SGIP1: variants seen among roughly 807,000 people sequenced by gnomAD.
SGIP1 encodes SH3-containing GRB2-like protein 3-interacting protein 1.
In SGIP1, 38 loss-of-function variants were observed where a neutral mutation model predicts 107.5. The ratio of observed to expected loss-of-function variants is 0.35; its 90% confidence interval spans 0.27 to 0.46. The LOEUF (loss-of-function observed/expected upper bound fraction) is 0.46, where lower values mean the gene tolerates loss of function less well. Among genes scored for constraint, SGIP1 ranks in the 20% least tolerant of loss-of-function variants. The probability of loss-of-function intolerance (pLI) is 1.00; values close to 1 mark genes in which losing one functional copy is unlikely to be tolerated. For missense variants in SGIP1, 929 were observed against 1,019.5 expected (o/e 0.91, Z 1.21); for synonymous variants, 365 against 366.1 (o/e 1.00, Z 0.03).
intron 1 of SGIP1, among the ~76,000 whole-genome samples, chr1:66,602,232 A>T (rs1479367961): frequency 6.6e-6 from 1 of 152,208 alleles, no homozygotes; most frequent in Admixed American, 6.5e-5. Flanking sequence ...TGACAGAAAG[A>T]ACCTTGTCAT....
intron 4 of SGIP1, among the ~76,000 whole-genome samples, chr1:66,636,557 C>T (rs1298467733): frequency 1.3e-5 from 2 of 152,192 alleles, no homozygotes; most frequent in Non-Finnish European, 2.9e-5. Context: ...TCCTCAGTTG[C>T]ACTTGACACA....
chr1:66,740,498 A>T (rs1402914183), intron 22 of SGIP1, among the ~76,000 whole-genome samples, 160 bp from the exon 23 acceptor site: 1 of 152,188 alleles, frequency 6.6e-6, no homozygotes, highest in African/African-American at 2.4e-5. Flanking sequence ...AGATTTATGT[A>T]TGTCTGGGAG....
At position 66,749,044 on chromosome 1, in the gene SGIP1, C is replaced by T. The variant is rs1248047753; in HGVS notation, c.*5949C>T. Among the ~76,000 whole-genome samples, 2 of 151,848 alleles carry T rather than the reference C, an allele frequency of 1.3e-5. No individual in the cohort carries two copies. The highest frequency in any genetic ancestry group is 3.8e-4 in the East Asian group (2 of 5,202). On this transcript the variant is annotated 3_prime_UTR_variant, in exon 25 of 25. Coordinates refer to ENST00000371037, the MANE Select transcript of SGIP1 (RefSeq NM_032291.4). ...ATTTTGTTTTAATTTTAAGAGAATT[C>T]CTGTCATTTCAAATGAATTGTTATC...
intron 5 of SGIP1, among the ~76,000 whole-genome samples, chr1:66,640,251 G>A (rs888507984): frequency 2.6e-5 from 4 of 152,158 alleles, no homozygotes; most frequent in East Asian, 1.9e-4. Context: ...TAGTTACCAC[G>A]TGTCATTGTT....
At chr1:66,623,808 A>G (rs574658712) in intron 1 of SGIP1, among the ~76,000 whole-genome samples, 3 of 152,312 alleles carry the variant, frequency 2.0e-5, no homozygotes, top group African/African-American at 2.4e-5. Context: ...GTATTAAGCT[A>G]TGCAATTAGA....
chr1:66,721,595 G>A (rs1012722033), intron 19 of SGIP1, among the ~76,000 whole-genome samples: 1 of 152,004 alleles, frequency 6.6e-6, no homozygotes, highest in African/African-American at 2.4e-5. Context: ...TTTTTTTAGC[G>A]ACGGGGTTTT....
At chr1:66,708,378 C>T (rs2092673882) in intron 18 of SGIP1, among the ~76,000 whole-genome samples, 1 of 152,136 alleles carries the variant, frequency 6.6e-6, no homozygotes, top group Admixed American at 6.6e-5. Context: ...TGATCAAACT[C>T]TCACCACTGT....
intron 1 of SGIP1, among the ~76,000 whole-genome samples, chr1:66,543,805 A>G (rs929155392): frequency 7.2e-5 from 11 of 152,184 alleles, no homozygotes; most frequent in African/African-American, 2.7e-4. Context: ...GGGGAGAATA[A>G]TGCTGGCTAC....
chr1:66,578,836 T>A (rs1309653668), intron 1 of SGIP1, among the ~76,000 whole-genome samples: 1 of 152,184 alleles, frequency 6.6e-6, no homozygotes, highest in Non-Finnish European at 1.5e-5. Flanking sequence ...CACACCCGAC[T>A]AATTTTGTAT....
chr1:66,572,536 G>T (rs1432742029), intron 1 of SGIP1, among the ~76,000 whole-genome samples: 1 of 152,006 alleles, frequency 6.6e-6, no homozygotes, highest in Admixed American at 6.6e-5. Flanking sequence ...AGGCTGTTTA[G>T]CTGCAATGCA....
intron 11 of SGIP1, 89 bp downstream of exon 11, chr1:66,672,084 C>A: frequency 2.5e-6 from 3 of 1,207,480 alleles, no homozygotes; most frequent in South Asian, 1.3e-5. Flanking sequence ...AAACTCTCAG[C>A]TCCCATTAAC....
intron 18 of SGIP1, among the ~76,000 whole-genome samples, chr1:66,713,492 A>G (rs2093045127): frequency 6.6e-6 from 1 of 152,174 alleles, no homozygotes. Flanking sequence ...TTGTTATTGA[A>G]GGACAGACAT....
chr1:66,552,392 G>A (rs145292538), intron 1 of SGIP1, among the ~76,000 whole-genome samples: 54 of 152,128 alleles, frequency 3.5e-4, no homozygotes, highest in Middle Eastern at 3.4e-3. Context: ...TCTGCACTGT[G>A]TGCTCATTTG....
intron 19 of SGIP1, among the ~76,000 whole-genome samples, chr1:66,727,891 G>C (rs375552181): frequency 7.7e-6 from 1 of 129,744 alleles, no homozygotes; most frequent in African/African-American, 2.8e-5. Flanking sequence ...ATTACAAAAA[G>C]GGATTGCAAA....
chr1:66,624,342 A>G (rs905664611), intron 1 of SGIP1, among the ~76,000 whole-genome samples: 1 of 152,220 alleles, frequency 6.6e-6, no homozygotes, highest in Non-Finnish European at 1.5e-5. Flanking sequence ...AAAATGAAAA[A>G]TAAAAGGGGA....
intron 1 of SGIP1, among the ~76,000 whole-genome samples, chr1:66,614,423 T>C (rs1049117494): frequency 6.6e-6 from 1 of 152,192 alleles, no homozygotes; most frequent in African/African-American, 2.4e-5. Flanking sequence ...AATAAATATA[T>C]TGATGGTCAT....
chr1:66,716,554 T>C (rs1358973612), intron 18 of SGIP1, among the ~76,000 whole-genome samples: 10 of 152,082 alleles, frequency 6.6e-5, no homozygotes, highest in Admixed American at 5.2e-4. Flanking sequence ...ATGAAGACAA[T>C]ACTTACTTCA....
chr1:66,611,945 GAGTC>G (rs2068102034), intron 1 of SGIP1, among the ~76,000 whole-genome samples: 1 of 152,186 alleles, frequency 6.6e-6, no homozygotes, highest in Admixed American at 6.5e-5. Flanking sequence ...CAGAATCTTA[GAGTC>G]AGTATTATTC....
intron 1 of SGIP1, among the ~76,000 whole-genome samples, chr1:66,611,942 T>TAA: frequency 6.6e-6 from 1 of 152,164 alleles, no homozygotes; most frequent in Non-Finnish European, 1.5e-5. Context: ...TTACAGAATC[T>TAA]TAGAGTCAGT....
Sources: gnomAD v4.1 joint callset for allele counts (sites outside exome capture counted in the v4.1 genomes callset) on GRCh38, gnomAD v4.1.1 for gene constraint, MANE v1.5 for transcripts, NCBI Gene and HGNC (gene_info 2026-07-23, HGNC 2026-07-21) for gene names.